ARHGAP15: variants seen among roughly 807,000 people sequenced by gnomAD.
ARHGAP15 encodes rho GTPase-activating protein 15.
Under a neutral mutation model 63.7 loss-of-function variants are expected in ARHGAP15, and 51 were observed. The ratio of observed to expected loss-of-function variants is 0.80; its 90% CI spans 0.64 to 1.01. ARHGAP15 has a LOEUF of 1.01. ARHGAP15 is among the 50% of genes least tolerant of loss of function. ARHGAP15 has a pLI of 0.00. For synonymous variants in ARHGAP15, 191 were observed against 193.8 expected (o/e 0.99, Z 0.12); for missense variants, 560 against 564.6 (o/e 0.99, Z 0.08).
At chr2:143,444,509 T>C (rs1381153718) in intron 8 of ARHGAP15, among the ~76,000 whole-genome samples, 1 of 152,226 alleles carries the variant, frequency 6.6e-6, no homozygotes, top group Non-Finnish European at 1.5e-5. Flanking sequence ...AAACATTATT[T>C]TGAATGCAAA....
At chr2:143,481,880 G>GT (rs1692094208) in intron 8 of ARHGAP15, among the ~76,000 whole-genome samples, 1 of 152,166 alleles carries the variant, frequency 6.6e-6, no homozygotes, top group African/African-American at 2.4e-5. Flanking sequence ...GGTGAGAGCA[G>GT]TTTTAGCACC....
At position 143,155,807 on chromosome 2, in the gene ARHGAP15, C is replaced by A. The variant is rs907959537; in HGVS notation, c.165+152C>A. The A allele has an allele frequency of 5.4e-6, 4 of 745,928 alleles. No homozygotes were observed. The African/African-American group carries it at 7.2e-5, about 13-fold the overall frequency. The allele number at this position is 745,928 out of a possible 1,614,324, so 46.2% of individuals were successfully genotyped here. ...GCATTTTATCTTGCATACTTACAGT[C>A]ATGATAATATCCCCAGTTGCAAGAG... On this transcript the variant is annotated intron_variant, in intron 2 of 13. Transcript: ENST00000295095.
At chr2:143,556,864 A>G (rs1695825200) in intron 11 of ARHGAP15, among the ~76,000 whole-genome samples, 1 of 152,112 alleles carries the variant, frequency 6.6e-6, no homozygotes, top group Non-Finnish European at 1.5e-5. Flanking sequence ...AAAAGTCAAA[A>G]TAACAGATAA....
intron 6 of ARHGAP15, among the ~76,000 whole-genome samples, chr2:143,361,520 T>G (rs1306229826): frequency 6.6e-6 from 1 of 152,156 alleles, no homozygotes; most frequent in African/African-American, 2.4e-5. Context: ...TCACAGAAGA[T>G]TCTGTGTTGC....
chr2:143,196,903 T>C (rs928646960), intron 2 of ARHGAP15, among the ~76,000 whole-genome samples: 4 of 151,950 alleles, frequency 2.6e-5, no homozygotes, highest in Non-Finnish European at 5.9e-5. Context: ...GAGAAAATAA[T>C]TTATTGAAAT....
intron 6 of ARHGAP15, among the ~76,000 whole-genome samples, chr2:143,370,619 C>T (rs897445685): frequency 2.6e-5 from 4 of 152,130 alleles, no homozygotes; most frequent in Admixed American, 2.0e-4. Context: ...TAGAAGGCAA[C>T]ATCTTCTACA....
chr2:143,628,032 A>T (rs746510620), intron 12 of ARHGAP15, among the ~76,000 whole-genome samples: 2 of 151,868 alleles, frequency 1.3e-5, no homozygotes, highest in Non-Finnish European at 2.9e-5. Context: ...CTTTATGTCC[A>T]TGTGTACCCA....
intron 6 of ARHGAP15, among the ~76,000 whole-genome samples, chr2:143,281,571 G>A (rs945679182): frequency 1.3e-5 from 2 of 152,116 alleles, no homozygotes; most frequent in Non-Finnish European, 2.9e-5. Context: ...CATAGGTAAC[G>A]TGGACTCCCG....
intron 12 of ARHGAP15, among the ~76,000 whole-genome samples, chr2:143,673,758 G>GTGTGTGTGTGTGTATATATATATATATA (rs1553520615): frequency 3.2e-4 from 7 of 22,128 alleles, no homozygotes; most frequent in East Asian, 3.3e-3. Flanking sequence ...GTGTGTGTGT[G>GTGTGTGTGTGTGTATATATATATATATA]TATATATATA....
At chr2:143,132,152 C>T (rs564790294) in intron 1 of ARHGAP15, among the ~76,000 whole-genome samples, 11 of 152,280 alleles carry the variant, frequency 7.2e-5, no homozygotes, top group Admixed American at 6.5e-4. Flanking sequence ...ATATTTTTTA[C>T]ACTGTACAAT....
intron 6 of ARHGAP15, among the ~76,000 whole-genome samples, chr2:143,379,269 G>T (rs76934441): frequency 0.025 from 3,818 of 152,018 alleles, 158 homozygotes; most frequent in African/African-American, 0.088. Flanking sequence ...AAATTTGCCT[G>T]TTGTTGCTGA....
chr2:143,418,651 A>T (rs1424856963), intron 6 of ARHGAP15, among the ~76,000 whole-genome samples: 1 of 152,234 alleles, frequency 6.6e-6, no homozygotes, highest in African/African-American at 2.4e-5. Context: ...AAAATTACAA[A>T]GAAGTAATAC....
intron 13 of ARHGAP15, among the ~76,000 whole-genome samples, chr2:143,762,510 A>G (rs1686795327): frequency 6.6e-6 from 1 of 152,200 alleles, no homozygotes; most frequent in South Asian, 2.1e-4. Context: ...GTTAGCTGCT[A>G]CAGAGCTGTG....
At chr2:143,404,068 T>C (rs894328596) in intron 6 of ARHGAP15, among the ~76,000 whole-genome samples, 1 of 151,844 alleles carries the variant, frequency 6.6e-6, no homozygotes, top group Admixed American at 6.6e-5. Flanking sequence ...AGAAACATGA[T>C]GTAGCTATGA....
chr2:143,621,663 G>A (rs899881207), intron 11 of ARHGAP15, among the ~76,000 whole-genome samples: 2 of 152,168 alleles, frequency 1.3e-5, no homozygotes, highest in African/African-American at 4.8e-5. Flanking sequence ...GGAATCTATA[G>A]TAGGAATCTT....
intron 12 of ARHGAP15, among the ~76,000 whole-genome samples, chr2:143,683,312 GT>G (rs1276946312): frequency 6.6e-6 from 1 of 151,640 alleles, no homozygotes; most frequent in Non-Finnish European, 1.5e-5. Flanking sequence ...TAAGATATAT[GT>G]TGTATAACAT....
chr2:143,169,832 T>C (rs909456413), intron 2 of ARHGAP15, among the ~76,000 whole-genome samples: 8 of 151,828 alleles, frequency 5.3e-5, no homozygotes, highest in Non-Finnish European at 1.2e-4. Context: ...CTTTTGTTTG[T>C]TAGTTATGAG....
rs116130885 is a variant in ARHGAP15 at position 143,186,356 on chromosome 2, T to C, written c.166-15778T>C. Reference sequence around the variant, plus strand: ...TTTTAAAGTTTAGCTATACAGTTTTTGTTTTAAGAGTTTATAATTCTTGTT... The same window carrying C: ...TTTTAAAGTTTAGCTATACAGTTTTCGTTTTAAGAGTTTATAATTCTTGTT... On this transcript the variant is annotated intron_variant, in intron 2 of 13. Transcript: ENST00000295095. Among the ~76,000 whole-genome samples the C allele has an allele frequency of 5.2e-3, 797 of 152,370 alleles. 5 individuals are homozygous for C. The highest frequency in any genetic ancestry group is 0.018 in the African/African-American group (742 of 41,592).
intron 11 of ARHGAP15, chr2:143,587,600 C>T (rs1310133044): frequency 1.6e-5 from 6 of 385,962 alleles, no homozygotes; most frequent in Non-Finnish European, 3.2e-5. Context: ...ATTATGTTTC[C>T]TGAATACCCC....
Sources: gnomAD v4.1 joint callset for allele counts (sites outside exome capture counted in the v4.1 genomes callset) on GRCh38, gnomAD v4.1.1 for gene constraint, MANE v1.5 for transcripts, NCBI Gene and HGNC (gene_info 2026-07-23, HGNC 2026-07-21) for gene names.